The following ARHGEF7 variants were observed in gnomAD, a reference collection of about 807,000 sequenced individuals.
ARHGEF7 encodes Rho guanine nucleotide exchange factor 7.
Under a neutral mutation model 109.8 loss-of-function variants are expected in ARHGEF7, and 33 were observed. The ratio of observed to expected loss-of-function variants is 0.30; its 90% CI spans 0.23 to 0.40. ARHGEF7 has a LOEUF of 0.40. ARHGEF7 is among the 10% of genes least tolerant of loss of function. ARHGEF7 has a pLI of 1.00. For missense variants in ARHGEF7, 938 were observed against 1,098.5 expected (o/e 0.85, Z 2.07); for synonymous variants, 458 against 424.6 (o/e 1.08, Z -0.97).
intron 4 of ARHGEF7, among the ~76,000 whole-genome samples, chr13:111,211,112 G>A (rs1011415245): frequency 6.6e-6 from 1 of 152,176 alleles, no homozygotes; most frequent in Admixed American, 6.5e-5. Context: ...TGCTTCAGGC[G>A]TGGTGGGCGG....
rs11319592 is a variant in ARHGEF7 at position 111,293,436 on chromosome 13, T to TA, written c.2311+1160dup. 5,594 of 904,692 alleles carry TA rather than the reference T, an allele frequency of 6.2e-3. 1 individual carries two copies. The highest frequency in any genetic ancestry group is 0.015 in the South Asian group (287 of 19,356). The allele number at this position is 904,692 out of a possible 1,614,324, so 56.0% of individuals were successfully genotyped here. On this transcript the variant is annotated intron_variant, in intron 19 of 21. Transcript: ENST00000646102. ...TAGGTTGCCATGTGGCTCACTTATT[T>TA]AAAAAAAAAAAAAAAAAACTCACCC...
chr13:111,206,233 A>AG lies in ARHGEF7; in HGVS notation c.337+868dup, dbSNP rs573568310. On this transcript the variant is annotated intron_variant, in intron 3 of 21. Transcript: ENST00000646102. ...TTCTCAGCTTCGTCTGGCCCTTCAGAGGGGGGGGTGTACTTGCCTCACTGC... is the reference window on the plus strand; with the variant it reads ...TTCTCAGCTTCGTCTGGCCCTTCAGAGGGGGGGGGTGTACTTGCCTCACTGC... 2.3e-3 allele frequency among the ~76,000 whole-genome samples: 346 copies of AG among 147,370 alleles called. 6 individuals are homozygous for AG. The highest frequency in any genetic ancestry group is 0.017 in the Middle Eastern group (5 of 288).
chr13:111,167,405 T>A (rs1594198659), intron 2 of ARHGEF7, among the ~76,000 whole-genome samples: 4 of 152,278 alleles, frequency 2.6e-5, no homozygotes, highest in Admixed American at 2.6e-4. Flanking sequence ...AGAAACACAC[T>A]CTCAGCTGGT....
At chr13:111,227,386 C>T (rs1000848722) in intron 5 of ARHGEF7, among the ~76,000 whole-genome samples, 5 of 152,184 alleles carry the variant, frequency 3.3e-5, no homozygotes, top group African/African-American at 4.8e-5. Context: ...CCATAGCCAC[C>T]GCAGCCTTCT....
At chr13:111,233,539 T>C (rs1404429330) in intron 6 of ARHGEF7, among the ~76,000 whole-genome samples, 3 of 152,252 alleles carry the variant, frequency 2.0e-5, no homozygotes, top group Non-Finnish European at 2.9e-5. Context: ...TCCCGTAACA[T>C]AGTAATGTGC....
In ARHGEF7 at chr13:111,131,077, G is replaced by A. The variant is rs567376626; in HGVS notation, c.165+15386G>A. 5.3e-4 allele frequency among the ~76,000 whole-genome samples: 81 copies of A among 152,358 alleles called. No individual in the cohort carries two copies. Among genetic ancestry groups the A allele is most frequent in the African/African-American group, 1.9e-3 (80 of 41,584 alleles). ...TTTTAAGGGAAGAATGATATGATCA[G>A]TTCTGTGCTTTGAAAACAATACTCT... On this transcript the variant is annotated intron_variant, in intron 1 of 21. Coordinates refer to ENST00000646102, the MANE Select transcript of ARHGEF7 (RefSeq NM_001354046.2). This position sits in a 1 kb window ranked among gnomAD's most constrained non-coding sequence, Gnocchi z 4.4.
At chr13:111,292,734 C>A in intron 19 of ARHGEF7, 1 of 1,021,952 alleles carries the variant, frequency 9.8e-7, no homozygotes, top group East Asian at 9.3e-5. Flanking sequence ...AGACTCTGGC[C>A]TTATCTGTAG....
chr13:111,159,986 G>T (rs2076624280), intron 2 of ARHGEF7, among the ~76,000 whole-genome samples: 1 of 152,094 alleles, frequency 6.6e-6, no homozygotes, highest in Non-Finnish European at 1.5e-5. Context: ...CATAGTCTCA[G>T]GTCTTACATT....
At chr13:111,232,341 A>AC (rs2086193864) in intron 5 of ARHGEF7, among the ~76,000 whole-genome samples, 3 of 151,876 alleles carry the variant, frequency 2.0e-5, no homozygotes, top group African/African-American at 7.3e-5. Context: ...GACACACACC[A>AC]CCCCATAGAA....
chr13:111,185,799 C>T (rs1383669167), intron 2 of ARHGEF7, among the ~76,000 whole-genome samples: 2 of 152,118 alleles, frequency 1.3e-5, no homozygotes, highest in Admixed American at 1.3e-4. Flanking sequence ...CACCCCTCCT[C>T]CCCTGGGTGC....
At chr13:111,300,217 G>A (rs1368592346) in intron 19 of ARHGEF7, among the ~76,000 whole-genome samples, 3 of 152,076 alleles carry the variant, frequency 2.0e-5, no homozygotes, top group African/African-American at 7.2e-5. Context: ...TTATATTTTA[G>A]GAAATATAAA....
At chr13:111,221,223 A>G (rs1299391559) in intron 5 of ARHGEF7, among the ~76,000 whole-genome samples, 33 of 58,564 alleles carry the variant, frequency 5.6e-4, no homozygotes, top group Non-Finnish European at 9.2e-4. Context: ...ATGTCTATAT[A>G]TATCTATATA....
chr13:111,206,232 G>A (rs1271338622), intron 3 of ARHGEF7, among the ~76,000 whole-genome samples: 2 of 151,710 alleles, frequency 1.3e-5, no homozygotes, highest in East Asian at 1.9e-4. Flanking sequence ...TGGCCCTTCA[G>A]AGGGGGGGGT....
chr13:111,117,894 C>A (rs1234235012), intron 1 of ARHGEF7, among the ~76,000 whole-genome samples: 2 of 152,192 alleles, frequency 1.3e-5, no homozygotes, highest in African/African-American at 4.8e-5. Flanking sequence ...TTCATGCTTA[C>A]CAGATAATCT....
At chr13:111,152,331 AC>A (rs977279916) in intron 1 of ARHGEF7, among the ~76,000 whole-genome samples, 4 of 152,272 alleles carry the variant, frequency 2.6e-5, no homozygotes, top group Admixed American at 1.3e-4. Context: ...TACATCCTTT[AC>A]AACTATTTAA....
chr13:111,283,132 T>C lies in ARHGEF7; in HGVS notation c.1726-7T>C. The stretch of plus-strand genomic sequence containing the variant: ...TCTCTGCCCTTCCCGCTCTGTGCCC[T>C]TGGCAGCTCCCCTCCCACCCGGTCA... On this transcript the variant is annotated splice_polypyrimidine_tract_variant and splice_region_variant and intron_variant, in intron 15 of 21. Transcript: ENST00000646102. The C allele has an allele frequency of 6.3e-7, 1 of 1,577,500 alleles. No homozygotes were observed. The highest frequency in any genetic ancestry group is 8.6e-7 in the Non-Finnish European group (1 of 1,161,350).
At chr13:111,157,415 C>T (rs907116513) in intron 2 of ARHGEF7, among the ~76,000 whole-genome samples, 11 of 151,860 alleles carry the variant, frequency 7.2e-5, no homozygotes, top group Non-Finnish European at 1.6e-4. Flanking sequence ...TGCAGTGGCT[C>T]ATGCCTGTAA....
chr13:111,205,597 G>A (rs2081729446), intron 3 of ARHGEF7, among the ~76,000 whole-genome samples: 1 of 152,122 alleles, frequency 6.6e-6, no homozygotes, highest in African/African-American at 2.4e-5. Context: ...TCCTTTCTGT[G>A]GGTGGAGAGA....
chr13:111,137,452 G>T (rs983402926), intron 1 of ARHGEF7, among the ~76,000 whole-genome samples: 1 of 152,228 alleles, frequency 6.6e-6, no homozygotes, highest in African/African-American at 2.4e-5. Context: ...CGTGGCACAG[G>T]CTGCTCACTC....
Sources: gnomAD v4.1 joint callset for allele counts (sites outside exome capture counted in the v4.1 genomes callset) on GRCh38, gnomAD v4.1.1 for gene constraint, Gnocchi (gnomAD v3.1) non-coding constraint, MANE v1.5 for transcripts, NCBI Gene and HGNC (gene_info 2026-07-23, HGNC 2026-07-21) for gene names.